AMMECR1: variants seen among roughly 807,000 people sequenced by gnomAD.
AMMECR1 encodes the protein nuclear protein AMMECR1.
Under a neutral mutation model 22.5 loss-of-function variants are expected in AMMECR1, and 3 were observed. The ratio of observed to expected loss-of-function variants is 0.13; its 90% CI spans 0.06 to 0.35. The LOEUF is 0.35. Ranked by LOEUF, AMMECR1 falls within the 10% of genes least tolerant of loss-of-function variation. AMMECR1 has a pLI of 1.00. For synonymous variants in AMMECR1, 130 were observed against 116.7 expected, an observed-to-expected ratio of 1.11 and a Z score of -0.74; for missense variants, 235 against 278.7, an observed-to-expected ratio of 0.84 and a Z score of 1.12.
intron 2 of AMMECR1, among the ~76,000 whole-genome samples, chrX:110,238,321 C>T (rs1329824035): frequency 8.9e-6 from 1 of 112,466 alleles, no homozygotes; most frequent in Non-Finnish European, 1.9e-5. Flanking sequence ...CAGTCTTTGT[C>T]ATGCTCAAAG....
At chrX:110,249,635 C>A (rs1357858819) in intron 2 of AMMECR1, among the ~76,000 whole-genome samples, 1 of 111,979 alleles carries the variant, frequency 8.9e-6, no homozygotes, top group Non-Finnish European at 1.9e-5. Flanking sequence ...GGTGCGGTGG[C>A]TCACACCTGT....
intron 2 of AMMECR1, among the ~76,000 whole-genome samples, chrX:110,390,570 C>T (rs968040650): frequency 1.8e-5 from 2 of 111,228 alleles, no homozygotes; most frequent in Non-Finnish European, 3.8e-5. Context: ...GGACTCTCCA[C>T]TACTGTAGAT....
intron 1 of AMMECR1, among the ~76,000 whole-genome samples, chrX:110,292,902 TG>T (rs2148213796): frequency 8.9e-6 from 1 of 111,944 alleles, no homozygotes; most frequent in South Asian, 3.7e-4. Flanking sequence ...CACTCAGGTG[TG>T]GGGTGTTGTT....
chrX:110,369,611 C>G (rs185137609), intron 2 of AMMECR1, among the ~76,000 whole-genome samples: 46 of 111,129 alleles, frequency 4.1e-4, no homozygotes, highest in African/African-American at 1.5e-3. Context: ...TCATCACACT[C>G]AAGGTAAAAG....
At chrX:110,344,050 A>C (rs2068177109) in intron 2 of AMMECR1, among the ~76,000 whole-genome samples, 1 of 111,997 alleles carries the variant, frequency 8.9e-6, no homozygotes, top group Non-Finnish European at 1.9e-5. Flanking sequence ...ATCCTAAGCC[A>C]AAAGAACAAA....
chrX:110,289,512 C>T (rs1274770934), intron 1 of AMMECR1, among the ~76,000 whole-genome samples: 2 of 112,151 alleles, frequency 1.8e-5, no homozygotes, highest in Non-Finnish European at 3.8e-5. Context: ...AGATAGTTTA[C>T]TTACATTATG....
At chrX:110,382,104 T>C (rs916985396) in intron 2 of AMMECR1, among the ~76,000 whole-genome samples, 5 of 112,231 alleles carry the variant, frequency 4.5e-5, no homozygotes, top group Non-Finnish European at 9.4e-5. Flanking sequence ...AATTCTTTCC[T>C]AAGAATTCTT....
intron 4 of AMMECR1, among the ~76,000 whole-genome samples, chrX:110,201,538 T>G (rs901641575): frequency 1.8e-5 from 2 of 111,862 alleles, no homozygotes; most frequent in Non-Finnish European, 3.8e-5. Flanking sequence ...GTATTTTGAT[T>G]AGTTCTGACA....
intron 2 of AMMECR1, among the ~76,000 whole-genome samples, chrX:110,408,303 A>G (rs2068616852): frequency 8.9e-6 from 1 of 112,061 alleles, no homozygotes; most frequent in Admixed American, 9.4e-5. Context: ...CTGAATGACT[A>G]GACTGGTGGC....
chrX:110,393,631 C>T lies in AMMECR1; in HGVS notation c.-148+33027G>A, dbSNP rs185612304. Among the ~76,000 whole-genome samples, 192 of 112,218 alleles carry T rather than the reference C, an allele frequency of 1.7e-3. 1 individual carries two copies. The highest frequency in any genetic ancestry group is 0.016 in the Admixed American group (173 of 10,602). The stretch of plus-strand genomic sequence containing the variant: ...GGTTCATCCCTCTTCTCTCTTCATC[C>T]TCCTCTTGGCCTACCCTGGCCTGAG... On this transcript the variant is annotated intron_variant, in intron 2 of 7. Coordinates refer to the AMMECR1 transcript ENST00000372057.
chrX:110,306,027 A>G (rs950123761), intron 1 of AMMECR1, among the ~76,000 whole-genome samples: 1 of 110,194 alleles, frequency 9.1e-6, no homozygotes, highest in Admixed American at 9.6e-5. Flanking sequence ...CACGCCTGTA[A>G]TCCCAGCACT....
At chrX:110,357,652 T>C (rs1237190505) in intron 2 of AMMECR1, among the ~76,000 whole-genome samples, 2 of 112,719 alleles carry the variant, frequency 1.8e-5, no homozygotes, top group Non-Finnish European at 3.7e-5. Flanking sequence ...ATGAATCTTG[T>C]ATTCTCACTG....
chrX:110,248,568 T>A (rs1006522530), intron 2 of AMMECR1, among the ~76,000 whole-genome samples: 5 of 112,273 alleles, frequency 4.5e-5, no homozygotes, highest in African/African-American at 1.6e-4. Context: ...CTTATCTAAC[T>A]GTTTTATGAT....
rs529651881 is a variant in AMMECR1 at position 110,330,671 on chromosome X, T to G, written c.-147-12822A>C. The stretch of plus-strand genomic sequence containing the variant: ...GCAACAGCTTGAAAATTTGAAAACC[T>G]GATCCTTCACCACAGGTAGTTTGAG... On this transcript the variant is annotated intron_variant, in intron 2 of 7. Transcript: ENST00000372057. Among the ~76,000 whole-genome samples the G allele has an allele frequency of 3.6e-5, 4 of 111,959 alleles. No individual in the cohort carries two copies. The Middle Eastern group carries it at 0.018, about 514-fold the overall frequency.
chrX:110,383,336 T>C (rs1478186249), intron 2 of AMMECR1, among the ~76,000 whole-genome samples: 2 of 111,499 alleles, frequency 1.8e-5, no homozygotes, highest in Admixed American at 1.9e-4. Flanking sequence ...TATCTTTGCT[T>C]AGCAAAATTT....
intron 2 of AMMECR1, among the ~76,000 whole-genome samples, chrX:110,257,927 G>A (rs960023361): frequency 1.8e-5 from 2 of 111,650 alleles, no homozygotes; most frequent in African/African-American, 3.3e-5. Context: ...GACCAGAGAG[G>A]TATTAAACTT....
At chrX:110,390,483 G>A (rs2068487236) in intron 2 of AMMECR1, among the ~76,000 whole-genome samples, 1 of 111,950 alleles carries the variant, frequency 8.9e-6, no homozygotes, top group Non-Finnish European at 1.9e-5. Context: ...GCAGCCAGAA[G>A]TGTTTTTTTA....
At chrX:110,314,829 C>T (rs1395803503) in intron 1 of AMMECR1, among the ~76,000 whole-genome samples, 2 of 111,986 alleles carry the variant, frequency 1.8e-5, no homozygotes, top group Admixed American at 9.4e-5. Flanking sequence ...ATCCATACAG[C>T]TTGTTCATAT....
At chrX:110,410,998 A>G (rs2068638364) in intron 2 of AMMECR1, among the ~76,000 whole-genome samples, 1 of 112,484 alleles carries the variant, frequency 8.9e-6, no homozygotes, top group African/African-American at 3.2e-5. Flanking sequence ...CTCTGCCTCC[A>G]GTCTTCTGTG....
Sources: gnomAD v4.1 joint callset for allele counts (sites outside exome capture counted in the v4.1 genomes callset) on GRCh38, gnomAD v4.1.1 for gene constraint, MANE v1.5 for transcripts, NCBI Gene and HGNC (gene_info 2026-07-23, HGNC 2026-07-21) for gene names.